The following PDZRN3 variants were observed in gnomAD, a reference collection of about 807,000 sequenced individuals.
PDZRN3 encodes E3 ubiquitin-protein ligase PDZRN3.
In PDZRN3, 38 loss-of-function variants were observed where a neutral mutation model predicts 85.7. That is an observed-to-expected ratio of 0.44 (90% CI 0.34 to 0.58). PDZRN3 has a LOEUF of 0.58. Ranked by LOEUF, PDZRN3 falls within the 20% of genes least tolerant of loss-of-function variation. The pLI, the probability that PDZRN3 is intolerant of heterozygous loss-of-function variation, is 0.01. For missense variants in PDZRN3, 1,629 were observed against 1,506.4 expected (o/e 1.08, Z -1.35); for synonymous variants, 759 against 638.0 (o/e 1.19, Z -2.86).
intron 1 of PDZRN3, among the ~76,000 whole-genome samples, chr3:73,611,860 T>C (rs780339969): frequency 8.5e-5 from 13 of 152,224 alleles, no homozygotes; most frequent in African/African-American, 7.2e-5. Flanking sequence ...TGCTTACCCA[T>C]TTAACCTGTT....
Position 73,385,705 on chromosome 3 carries a change from G to A in PDZRN3, c.1599C>T (p.His533=). ...CGCTAGCTGTGAATTGCATGGCCTG[G>A]TGGTGCTGCTCCTCCAGCATGTCCA... ...LHMDMLEEQH[H]QAMQFTASVL... is the part of the protein sequence containing the mutation. Residue 533 remains histidine (H), a synonymous_variant, in exon 9 of 10, where the codon CAC becomes CAT. Transcript: ENST00000263666. The A allele has an allele frequency of 6.2e-7, 1 of 1,613,262 alleles. No individual in the cohort carries two copies. The highest frequency in any genetic ancestry group is 8.5e-7 in the Non-Finnish European group (1 of 1,179,280).
intron 3 of PDZRN3, among the ~76,000 whole-genome samples, chr3:73,454,911 C>T (rs542091426): frequency 5.4e-5 from 8 of 149,260 alleles, no homozygotes; most frequent in Non-Finnish European, 1.0e-4. Context: ...TTTTTAATTG[C>T]GATCTTGGTT....
At chr3:73,459,106 T>C (rs1415432027) in intron 3 of PDZRN3, among the ~76,000 whole-genome samples, 1 of 152,074 alleles carries the variant, frequency 6.6e-6, no homozygotes, top group East Asian at 1.9e-4. Flanking sequence ...AGGCACCTCT[T>C]CACAGGGCGG....
chr3:73,606,750 G>A (rs1334394234), intron 2 of PDZRN3, among the ~76,000 whole-genome samples: 1 of 152,164 alleles, frequency 6.6e-6, no homozygotes, highest in African/African-American at 2.4e-5. Flanking sequence ...TGATAAGACA[G>A]ATAATGTTCA....
At chr3:73,476,952 G>GT (rs1042524603) in intron 3 of PDZRN3, among the ~76,000 whole-genome samples, 12 of 151,898 alleles carry the variant, frequency 7.9e-5, no homozygotes, top group African/African-American at 1.7e-4. Context: ...GAGACAATCG[G>GT]TTTTTTTTAA....
At chr3:73,575,354 T>G (rs1702107709) in intron 3 of PDZRN3, among the ~76,000 whole-genome samples, 1 of 152,136 alleles carries the variant, frequency 6.6e-6, no homozygotes. Context: ...GACCCCATTT[T>G]CAAGGCAAAT....
Position 73,404,150 on chromosome 3 carries a change from C to A in PDZRN3, c.1164G>T (p.Glu388Asp). 6.2e-7 allele frequency: 1 copy of A among 1,613,430 alleles called. No homozygotes were observed. Among genetic ancestry groups the A allele is most frequent in the Non-Finnish European group, 8.5e-7 (1 of 1,179,560 alleles). Residue 388 changes from glutamate (E) to aspartate (D), a missense_variant and splice_region_variant, in exon 4 of 10, where the codon GAG (glutamate) becomes GAT (aspartate). Glu to Asp is a conservative substitution (Grantham distance 45). Coordinates refer to ENST00000263666, the MANE Select transcript of PDZRN3 (RefSeq NM_015009.3). ...GGGTTCAAGATTAGGTTACTTACTC[C>A]TCTGGCAAGAGATAGGGATCCAGCA... The part of the protein sequence containing the change: ...PPVLDPYLLP[E>D]EHPSAHEYYD...
intron 3 of PDZRN3, among the ~76,000 whole-genome samples, chr3:73,572,043 G>A (rs1306203791): frequency 6.6e-6 from 1 of 152,010 alleles, no homozygotes; most frequent in Non-Finnish European, 1.5e-5. Flanking sequence ...TTGATTCAGT[G>A]CAAAAAAAGG....
chr3:73,434,075 C>G, intron 3 of PDZRN3: 1 of 442,262 alleles, frequency 2.3e-6, no homozygotes, highest in Non-Finnish European at 3.0e-6. Flanking sequence ...TCATAACAGA[C>G]AATGATACAG....
At chr3:73,568,466 A>G (rs1701986718) in intron 3 of PDZRN3, among the ~76,000 whole-genome samples, 1 of 152,230 alleles carries the variant, frequency 6.6e-6, no homozygotes, top group Admixed American at 6.5e-5. Context: ...CCTTTGAGAT[A>G]CCTGGAGATC....
intron 5 of PDZRN3, among the ~76,000 whole-genome samples, chr3:73,399,898 T>C (rs889743208): frequency 3.3e-4 from 50 of 152,234 alleles, no homozygotes; most frequent in Admixed American, 3.0e-3. Context: ...CACACAATTA[T>C]TGATTTTTAA....
chr3:73,410,735 C>T (rs769704508), intron 3 of PDZRN3, among the ~76,000 whole-genome samples: 1 of 152,190 alleles, frequency 6.6e-6, no homozygotes, highest in African/African-American at 2.4e-5. Flanking sequence ...TAAAAACATA[C>T]ATGTACTTAC....
chr3:73,602,241 C>T lies in PDZRN3; in HGVS notation c.918+113G>A, dbSNP rs1161109468. 18 of 660,436 alleles carry T rather than the reference C, an allele frequency of 2.7e-5. No individual in the cohort carries two copies. In the South Asian group the frequency reaches 2.8e-4, roughly 10 times the overall value. 40.9% of individuals were successfully genotyped at this position (660,436 alleles called of 1,614,324 possible). The stretch of plus-strand genomic sequence containing the variant: ...CACAATGGGAAAAGTGAGACTCCCG[C>T]TCAACCATCTACCACTTTAGGCCTC... On this transcript the variant is annotated intron_variant, in intron 3 of 9. Coordinates refer to ENST00000263666, the MANE Select transcript of PDZRN3 (RefSeq NM_015009.3).
At chr3:73,391,549 G>T (rs1445243908) in intron 5 of PDZRN3, among the ~76,000 whole-genome samples, 1 of 152,156 alleles carries the variant, frequency 6.6e-6, no homozygotes, top group East Asian at 1.9e-4. Flanking sequence ...CACAGTCATA[G>T]AACTTGCAAA....
intron 3 of PDZRN3, among the ~76,000 whole-genome samples, chr3:73,539,109 C>T (rs1704855018): frequency 6.6e-6 from 1 of 152,164 alleles, no homozygotes; most frequent in African/African-American, 2.4e-5. Flanking sequence ...TTGCATTTCT[C>T]CATGGGTCTG....
chr3:73,529,126 A>C (rs1464898589), intron 3 of PDZRN3, among the ~76,000 whole-genome samples: 2 of 152,160 alleles, frequency 1.3e-5, no homozygotes, highest in African/African-American at 2.4e-5. Context: ...GTGGGCAAAT[A>C]AAAAGTAAGC....
At chr3:73,574,261 T>C (rs1702085447) in intron 3 of PDZRN3, among the ~76,000 whole-genome samples, 1 of 152,158 alleles carries the variant, frequency 6.6e-6, no homozygotes, top group South Asian at 2.1e-4. Context: ...TTGGAGCCTC[T>C]TGACTGCTAA....
intron 3 of PDZRN3, among the ~76,000 whole-genome samples, chr3:73,521,055 C>G (rs1704351759): frequency 6.6e-6 from 1 of 152,188 alleles, no homozygotes. Flanking sequence ...ACCAAAGACT[C>G]TTGGCATGGC....
intron 3 of PDZRN3, among the ~76,000 whole-genome samples, chr3:73,567,229 T>C (rs1161430534): frequency 1.3e-5 from 2 of 152,174 alleles, no homozygotes; most frequent in East Asian, 3.9e-4. Context: ...CCTGGGGCTT[T>C]TCATAACTTT....
Sources: gnomAD v4.1 joint callset for allele counts (sites outside exome capture counted in the v4.1 genomes callset) on GRCh38, gnomAD v4.1.1 for gene constraint, MANE v1.5 for transcripts, NCBI Gene and HGNC (gene_info 2026-07-23, HGNC 2026-07-21) for gene names.